TENM4: variants seen among roughly 807,000 people sequenced by gnomAD.
TENM4 encodes the protein teneurin-4.
In TENM4, 82 loss-of-function variants were observed where a neutral mutation model predicts 243.3. The observed-to-expected ratio is 0.34, with a 90% CI of 0.28 to 0.40. The LOEUF is 0.40. Among genes scored for constraint, TENM4 ranks in the 10% least tolerant of loss-of-function variants. The pLI is 1.00. For missense variants in TENM4, 3,138 were observed against 3,673.3 expected (o/e 0.85, Z 3.77); for synonymous variants, 1,412 against 1,456.3 (o/e 0.97, Z 0.69).
intron 33 of TENM4, 144 bp downstream of exon 33, chr11:78,661,305 T>C (rs1662651257): frequency 3.8e-6 from 4 of 1,041,298 alleles, no homozygotes; most frequent in Non-Finnish European, 1.4e-6. Context: ...GGTTACTAAG[T>C]AGTTGTTGAA....
chr11:79,069,509 C>T (rs1337330886), intron 5 of TENM4, among the ~76,000 whole-genome samples: 4 of 152,084 alleles, frequency 2.6e-5, no homozygotes, highest in Non-Finnish European at 2.9e-5. Context: ...AGTGGGTGAG[C>T]GAGAAAATAA....
At chr11:79,164,560 A>G (rs979757272) in intron 3 of TENM4, among the ~76,000 whole-genome samples, 3 of 144,834 alleles carry the variant, frequency 2.1e-5, no homozygotes, top group African/African-American at 7.6e-5. Flanking sequence ...TATATACTAT[A>G]TATACTATAT....
chr11:79,279,363 G>A (rs190720499), intron 2 of TENM4, among the ~76,000 whole-genome samples: 2 of 152,178 alleles, frequency 1.3e-5, no homozygotes, highest in South Asian at 2.1e-4. Flanking sequence ...AAGGAGAGAG[G>A]CAGGCAGAAA....
chr11:79,067,082 T>C (rs1860280679), intron 5 of TENM4, among the ~76,000 whole-genome samples: 1 of 151,982 alleles, frequency 6.6e-6, no homozygotes, highest in African/African-American at 2.4e-5. Context: ...ATACCCCCAA[T>C]CTCCTCATGA....
chr11:78,748,611 G>A (rs776183948), intron 19 of TENM4, among the ~76,000 whole-genome samples: 4 of 152,196 alleles, frequency 2.6e-5, no homozygotes, highest in Non-Finnish European at 5.9e-5. Context: ...AGAGCCAACT[G>A]GGCGTGGCTT....
intron 15 of TENM4, among the ~76,000 whole-genome samples, chr11:78,794,576 G>A (rs1418593708): frequency 6.6e-6 from 1 of 152,212 alleles, no homozygotes; most frequent in Non-Finnish European, 1.5e-5. Flanking sequence ...ATGTGATTTG[G>A]CTTAGTGGCA....
chr11:78,775,223 C>T (rs1347266366), intron 17 of TENM4, among the ~76,000 whole-genome samples: 2 of 152,216 alleles, frequency 1.3e-5, no homozygotes, highest in Admixed American at 6.5e-5. Flanking sequence ...TGTAATATTC[C>T]ATTCCATGGA....
chr11:78,990,048 G>T (rs1591187237), intron 6 of TENM4, among the ~76,000 whole-genome samples: 1 of 146,958 alleles, frequency 6.8e-6, no homozygotes, highest in South Asian at 2.1e-4. Flanking sequence ...TGGGTGACAG[G>T]AGTGAGGCTT....
At chr11:78,762,778 G>A (rs1856457020) in intron 18 of TENM4, among the ~76,000 whole-genome samples, 1 of 151,936 alleles carries the variant, frequency 6.6e-6, no homozygotes, top group Admixed American at 6.6e-5. Flanking sequence ...TGTAGCATAT[G>A]GTGGCCTGAA....
intron 16 of TENM4, among the ~76,000 whole-genome samples, chr11:78,779,139 T>C (rs1230632456): frequency 6.6e-6 from 1 of 152,242 alleles, no homozygotes. Flanking sequence ...ATCTCTGATA[T>C]GCACTAGTGA....
chr11:79,315,397 C>A (rs541274591), intron 1 of TENM4, among the ~76,000 whole-genome samples: 1 of 152,210 alleles, frequency 6.6e-6, no homozygotes, highest in Non-Finnish European at 1.5e-5. Flanking sequence ...CACATGGCCC[C>A]TGGAAAGTTC....
intron 1 of TENM4, among the ~76,000 whole-genome samples, chr11:79,414,695 T>G (rs954437598): frequency 1.3e-5 from 2 of 152,240 alleles, no homozygotes; most frequent in African/African-American, 4.8e-5. Flanking sequence ...TTTTCATTTT[T>G]TTAAAACAGT....
At chr11:78,966,328 G>C (rs565857094) in intron 6 of TENM4, among the ~76,000 whole-genome samples, 8 of 152,256 alleles carry the variant, frequency 5.3e-5, no homozygotes, top group African/African-American at 1.9e-4. Context: ...TATAATAAAT[G>C]TTAGATGTTG....
intron 6 of TENM4, among the ~76,000 whole-genome samples, chr11:78,971,198 G>T (rs1341479027): frequency 1.3e-5 from 2 of 151,960 alleles, no homozygotes; most frequent in Non-Finnish European, 2.9e-5. Context: ...CACTTTTAAA[G>T]ATTTTTTTAA....
intron 6 of TENM4, among the ~76,000 whole-genome samples, chr11:78,994,824 C>A (rs369258499): frequency 6.0e-4 from 91 of 152,318 alleles, no homozygotes; most frequent in African/African-American, 2.1e-3. Flanking sequence ...CAAACAGAGA[C>A]TTGTCCTAAT....
intron 12 of TENM4, among the ~76,000 whole-genome samples, chr11:78,843,204 G>C (rs1858303393): frequency 6.6e-6 from 1 of 152,210 alleles, no homozygotes; most frequent in African/African-American, 2.4e-5. Flanking sequence ...CTTGAACCCA[G>C]GAGGTGGAGG....
chr11:79,295,792 A>C (rs906893237), intron 2 of TENM4, among the ~76,000 whole-genome samples: 4 of 152,192 alleles, frequency 2.6e-5, no homozygotes, highest in East Asian at 1.9e-4. Context: ...CCTAGTAATC[A>C]AAGAGTTTAA....
At chr11:79,015,193 T>C (rs562083155) in intron 6 of TENM4, among the ~76,000 whole-genome samples, 1 of 152,280 alleles carries the variant, frequency 6.6e-6, no homozygotes, top group African/African-American at 2.4e-5. Context: ...ACAACAACCA[T>C]AGAAGGTGGG....
In TENM4 at chr11:78,780,148, G is replaced by T. The variant is rs1174468490; in HGVS notation, c.2366-1520C>A. ...TGAAAGAGAGTACTTATTAAGTAGG[G>T]GTGAGTAAACAAAGCTATGGAATGC... On this transcript the variant is annotated intron_variant, in intron 16 of 33. Coordinates refer to ENST00000278550, the MANE Select transcript of TENM4 (RefSeq NM_001098816.3). 2.0e-5 allele frequency among the ~76,000 whole-genome samples: 3 copies of T among 152,296 alleles called. No homozygotes were observed. The East Asian group carries it at 5.8e-4, about 29-fold the overall frequency.
Sources: gnomAD v4.1 joint callset for allele counts (sites outside exome capture counted in the v4.1 genomes callset) on GRCh38, gnomAD v4.1.1 for gene constraint, MANE v1.5 for transcripts, NCBI Gene and HGNC (gene_info 2026-07-23, HGNC 2026-07-21) for gene names.